Variants in RALY observed in about 807,000 individuals in gnomAD.
The protein encoded by RALY is RNA-binding protein Raly.
RALY carries 15 observed loss-of-function variants against 30.7 expected under a neutral mutation model. The observed-to-expected ratio is 0.49, with a 90% confidence interval of 0.33 to 0.75. The LOEUF (loss-of-function observed/expected upper bound fraction) is 0.75. Among genes scored for constraint, RALY ranks in the 30% least tolerant of loss-of-function variants. RALY has a pLI of 0.02. For missense variants in RALY, 339 were observed against 414.3 expected, an observed-to-expected ratio of 0.82 and a Z score of 1.58; for synonymous variants, 177 against 170.8, an observed-to-expected ratio of 1.04 and a Z score of -0.28.
intron 2 of RALY, among the ~76,000 whole-genome samples, chr20:34,053,143 A>G (rs1477312758): frequency 1.3e-5 from 2 of 151,882 alleles, no homozygotes; most frequent in Non-Finnish European, 2.9e-5. Flanking sequence ...TACAGGTGTG[A>G]GCCACCACAT....
intron 2 of RALY, among the ~76,000 whole-genome samples, chr20:34,053,825 G>A (rs898111866): frequency 6.6e-5 from 10 of 152,068 alleles, no homozygotes; most frequent in African/African-American, 2.4e-4. Context: ...TCATCTCAGG[G>A]TGACCAGATA....
chr20:34,064,543 T>C (rs192926930), intron 2 of RALY, among the ~76,000 whole-genome samples: 3 of 152,294 alleles, frequency 2.0e-5, no homozygotes, highest in Non-Finnish European at 4.4e-5. Flanking sequence ...TTGACAGGAA[T>C]GGGGCAGGGA....
chr20:34,078,698 A>G lies in RALY; in HGVS notation c.*4+145A>G, dbSNP rs2033963552. On this transcript the variant is annotated intron_variant, in intron 9 of 9. Transcript: ENST00000246194. Reference sequence around the variant, plus strand: ...TACCCAAGAATGAAGTCCCCTCCATATCTAGCCATCCCGTCACACCCCTTC... The same window carrying G: ...TACCCAAGAATGAAGTCCCCTCCATGTCTAGCCATCCCGTCACACCCCTTC... The G allele has an allele frequency of 4.3e-6, 3 of 703,122 alleles. No individual in the cohort carries two copies. In the South Asian group the frequency reaches 1.2e-4, roughly 28 times the overall value. 43.6% of individuals were successfully genotyped at this position (703,122 alleles called of 1,614,324 possible).
intron 9 of RALY, 61 bp downstream of exon 9, chr20:34,078,614 T>C: frequency 7.0e-7 from 1 of 1,429,480 alleles, no homozygotes; most frequent in Non-Finnish European, 9.3e-7. Flanking sequence ...AGGTTGTGCC[T>C]TTTCCCTGGA....
chr20:34,027,410 C>G (rs946445220), intron 1 of RALY, among the ~76,000 whole-genome samples: 1 of 152,192 alleles, frequency 6.6e-6, no homozygotes, highest in Admixed American at 6.5e-5. Context: ...AGCCGTGTGC[C>G]TGAGGCATAG....
chr20:34,047,961 A>G (rs1039547066), intron 2 of RALY, among the ~76,000 whole-genome samples: 1 of 152,196 alleles, frequency 6.6e-6, no homozygotes, highest in Non-Finnish European at 1.5e-5. Flanking sequence ...TTCAGACCCC[A>G]GAAATGTTGG....
At chr20:34,036,955 ATTG>A (rs2032519114) in intron 2 of RALY, among the ~76,000 whole-genome samples, 1 of 149,740 alleles carries the variant, frequency 6.7e-6, no homozygotes, top group African/African-American at 2.5e-5. Flanking sequence ...TATTTTGTTT[ATTG>A]TTTTTATTAT....
At chr20:34,021,216 C>T (rs1169359855) in intron 1 of RALY, among the ~76,000 whole-genome samples, 1 of 152,138 alleles carries the variant, frequency 6.6e-6, no homozygotes, top group Non-Finnish European at 1.5e-5. Flanking sequence ...CCTGCCTGGA[C>T]CTCCCAAAGT....
intron 1 of RALY, among the ~76,000 whole-genome samples, chr20:33,995,911 C>T (rs981817411): frequency 2.1e-4 from 32 of 152,172 alleles, no homozygotes; most frequent in African/African-American, 7.5e-4. Flanking sequence ...TTATTCAGGT[C>T]TTAAGGTCAG....
At chr20:34,028,285 TA>T (rs35090141) in intron 1 of RALY, among the ~76,000 whole-genome samples, 1,621 of 131,304 alleles carry the variant, frequency 0.012, 4 homozygotes, top group African/African-American at 0.012. Context: ...GACCCTATCT[TA>T]AAAAAAAAAA....
At chr20:34,056,971 G>A (rs1255894916) in intron 2 of RALY, among the ~76,000 whole-genome samples, 1 of 152,156 alleles carries the variant, frequency 6.6e-6, no homozygotes, top group Middle Eastern at 3.2e-3. Context: ...CTTTCCCTCA[G>A]ATGCTATTGT....
intron 2 of RALY, among the ~76,000 whole-genome samples, chr20:34,040,345 T>A (rs1411594060): frequency 6.6e-6 from 1 of 152,186 alleles, no homozygotes; most frequent in African/African-American, 2.4e-5. Flanking sequence ...TCAGCTTTTT[T>A]AACATCTCCG....
chr20:34,061,030 T>C (rs2033400757), intron 2 of RALY, among the ~76,000 whole-genome samples: 1 of 152,212 alleles, frequency 6.6e-6, no homozygotes, highest in Non-Finnish European at 1.5e-5. Flanking sequence ...AAGACTGGTT[T>C]GTAAACAGCC....
At chr20:34,000,803 A>G (rs1165146661) in intron 1 of RALY, among the ~76,000 whole-genome samples, 1 of 152,224 alleles carries the variant, frequency 6.6e-6, no homozygotes, top group Non-Finnish European at 1.5e-5. Context: ...AATGAGTTTG[A>G]CTGGGGAAAA....
chr20:34,048,987 G>A (rs1177482878), intron 2 of RALY: 2 of 152,082 alleles, frequency 1.3e-5, no homozygotes, highest in South Asian at 2.1e-4. Context: ...AACAGCCATG[G>A]AGGAAAGTAA....
intron 1 of RALY, among the ~76,000 whole-genome samples, chr20:34,005,620 A>G (rs964286077): frequency 1.3e-5 from 2 of 152,336 alleles, no homozygotes; most frequent in Middle Eastern, 3.4e-3. Flanking sequence ...TGTTTATACT[A>G]ATAGAGCTAA....
At position 34,076,565 on chromosome 20, in the gene RALY, T is replaced by G. The variant is rs184236376; in HGVS notation, c.545-137T>G. 9.6e-5 allele frequency: 70 copies of G among 726,060 alleles called. 1 individual carries two copies. The African/African-American group carries it at 1.1e-3, about 11-fold the overall frequency. The allele number at this position is 726,060 out of a possible 1,614,324, so 45.0% of individuals were successfully genotyped here. A position where few individuals can be genotyped will look rare whatever the true frequency, so the allele number is the denominator to read the frequency against. On this transcript the variant is annotated intron_variant, in intron 6 of 9. Transcript: ENST00000246194. Reference sequence around the variant, plus strand: ...CGCCAGGTAGTCTAAGGAGGAGACCTTTTTCCTAAGCAGGGAAAAAACAAA... The same window carrying G: ...CGCCAGGTAGTCTAAGGAGGAGACCGTTTTCCTAAGCAGGGAAAAAACAAA...
intron 2 of RALY, among the ~76,000 whole-genome samples, chr20:34,036,471 G>T (rs1024503919): frequency 6.6e-6 from 1 of 152,192 alleles, no homozygotes; most frequent in Non-Finnish European, 1.5e-5. Flanking sequence ...TATGGAGTTA[G>T]ATTTGATTTG....
chr20:34,044,691 G>A (rs1472713591), intron 2 of RALY, among the ~76,000 whole-genome samples: 1 of 152,192 alleles, frequency 6.6e-6, no homozygotes, highest in Non-Finnish European at 1.5e-5. Context: ...ATTGAAGCCA[G>A]AAGGACAGAT....
Sources: gnomAD v4.1 joint callset for allele counts (sites outside exome capture counted in the v4.1 genomes callset) on GRCh38, gnomAD v4.1.1 for gene constraint, MANE v1.5 for transcripts, NCBI Gene and HGNC (gene_info 2026-07-23, HGNC 2026-07-21) for gene names.